PCDHGB6: variants seen among roughly 807,000 people sequenced by gnomAD.
The protein encoded by PCDHGB6 is protocadherin gamma subfamily B, 6.
A neutral mutation model predicts 59.1 loss-of-function variants in PCDHGB6; 51 were observed. The observed-to-expected ratio is 0.86, with a 90% CI of 0.69 to 1.09. PCDHGB6 has a LOEUF of 1.09. Ranked by LOEUF, PCDHGB6 falls within the 50% of genes least tolerant of loss-of-function variation. The pLI is 0.00. For missense variants in PCDHGB6, 1,148 were observed against 1,205.1 expected (o/e 0.95, Z 0.70); for synonymous variants, 466 against 495.1 (o/e 0.94, Z 0.78).
At chr5:141,450,829 ATT>A (rs373424450) in intron 1 of PCDHGB6, among the ~76,000 whole-genome samples, 3 of 135,116 alleles carry the variant, frequency 2.2e-5, no homozygotes, top group African/African-American at 2.7e-5. Flanking sequence ...TATTATTATT[ATT>A]TTTTTTTTTT....
intron 1 of PCDHGB6, chr5:141,411,352 C>T (rs1002274073): frequency 2.6e-5 from 4 of 152,176 alleles, no homozygotes; most frequent in African/African-American, 9.7e-5. Flanking sequence ...GAAAGTATCA[C>T]TTGAGCCCAA....
intron 1 of PCDHGB6, among the ~76,000 whole-genome samples, chr5:141,429,386 T>TA (rs1561841076): frequency 9.9e-5 from 15 of 151,936 alleles, no homozygotes; most frequent in South Asian, 8.3e-4. Flanking sequence ...TGTTTTTTTT[T>TA]TAAAAAAAAT....
chr5:141,453,700 G>T (rs953445370), intron 1 of PCDHGB6, among the ~76,000 whole-genome samples: 1 of 152,166 alleles, frequency 6.6e-6, no homozygotes, highest in East Asian at 1.9e-4. Flanking sequence ...TCCTGGCTTT[G>T]AACAGTTTCA....
intron 1 of PCDHGB6, among the ~76,000 whole-genome samples, chr5:141,469,802 CATT>C (rs2099211643): frequency 6.6e-6 from 1 of 152,022 alleles, no homozygotes; most frequent in Admixed American, 6.6e-5. Context: ...ATTGCAAAAA[CATT>C]GTAGATAGAA....
At chr5:141,412,713 TG>T (rs1172943618) in intron 1 of PCDHGB6, 2 of 152,812 alleles carry the variant, frequency 1.3e-5, no homozygotes, top group Non-Finnish European at 2.9e-5. Context: ...TGTACATTTC[TG>T]TTGGGAAAAC....
chr5:141,431,984 G>A lies in PCDHGB6; in HGVS notation c.2418+21364G>A, dbSNP rs758365921. 2 of 1,614,220 alleles carry A rather than the reference G, an allele frequency of 1.2e-6. No individual in the cohort carries two copies. The highest frequency in any genetic ancestry group is 2.2e-5 in the South Asian group (2 of 91,086). On this transcript the variant is annotated intron_variant, in intron 1 of 3. Transcript: ENST00000520790. The surrounding 1 kb of genome is among the most constrained non-coding windows in gnomAD (Gnocchi z 4.8). ...TTACTATAGTTTAGTCACAGACATAGTCTTGGATAGGGAACAGGTTCCTAG... is the reference window on the plus strand; with the variant it reads ...TTACTATAGTTTAGTCACAGACATAATCTTGGATAGGGAACAGGTTCCTAG...
rs773899530 is a variant in PCDHGB6 at position 141,494,864 on chromosome 5, G to A, written c.2476G>A (p.Gly826Ser). 1.6e-5 allele frequency: 26 copies of A among 1,613,950 alleles called. No individual in the cohort carries two copies. The Admixed American group carries it at 3.5e-4, about 22-fold the overall frequency. Reference protein sequence around the residue: ...FSQAQRPGTSGSQNGDDTGTW... With the variant: ...FSQAQRPGTSSSQNGDDTGTW... ...TCAGGCCCAGAGACCCGGCACCAGC[G>A]GGTAGGTGACTGATTCTCCAGCCCA... Residue 826 changes from glycine to serine, a missense_variant and splice_region_variant, in exon 2 of 4, where the codon GGC (glycine) becomes AGC (serine). Gly to Ser is a moderately conservative substitution (Grantham distance 56, BLOSUM62 0). Coordinates refer to ENST00000520790, the MANE Select transcript of PCDHGB6 (RefSeq NM_018926.3).
At chr5:141,427,304 C>G in intron 1 of PCDHGB6, 1 of 456,910 alleles carries the variant, frequency 2.2e-6, no homozygotes. Flanking sequence ...ATGAGAATGA[C>G]AATGCCCCAG....
intron 1 of PCDHGB6, chr5:141,468,556 GAT>G (rs754546771): frequency 6.6e-6 from 1 of 151,930 alleles, no homozygotes; most frequent in Non-Finnish European, 1.5e-5. Flanking sequence ...TAACATTTGT[GAT>G]ATAGTAAACA....
At chr5:141,423,327 A>G in intron 1 of PCDHGB6, 1 of 1,614,100 alleles carries the variant, frequency 6.2e-7, no homozygotes, top group Non-Finnish European at 8.5e-7. Flanking sequence ...CGGTGGCCGC[A>G]GTCTCCTGCA....
Position 141,490,916 on chromosome 5 carries a change from A to C in PCDHGB6, c.2419-3891A>C. 1 of 1,613,724 alleles carries C rather than the reference A, an allele frequency of 6.2e-7. No homozygotes were observed. Among genetic ancestry groups the C allele is most frequent in the Non-Finnish European group, 8.5e-7 (1 of 1,179,736 alleles). ...CATGTGTTTGTCCTAGACGAGAATG[A>C]TAATGCCCCAGCTGTGCTGCACCCA... is the stretch of plus-strand genomic sequence containing the variant. On this transcript the variant is annotated intron_variant, in intron 1 of 3. Transcript: ENST00000520790. This position sits in a 1 kb window ranked among gnomAD's most constrained non-coding sequence, Gnocchi z 5.4.
chr5:141,443,183 TTCTC>T (rs2098370937), intron 1 of PCDHGB6, among the ~76,000 whole-genome samples: 1 of 152,184 alleles, frequency 6.6e-6, no homozygotes, highest in Non-Finnish European at 1.5e-5. Context: ...CACTGCATCA[TTCTC>T]TATAGTACAA....
At chr5:141,478,452 C>T (rs763187393) in intron 1 of PCDHGB6, 1 of 1,613,598 alleles carries the variant, frequency 6.2e-7, no homozygotes, top group Admixed American at 1.7e-5. Context: ...CCTGGTGCAG[C>T]CAGTCCACTG....
At chr5:141,426,398 C>A (rs1264385461) in intron 1 of PCDHGB6, 3 of 257,270 alleles carry the variant, frequency 1.2e-5, no homozygotes, top group Non-Finnish European at 2.3e-5. Context: ...TACTCTATTC[C>A]AGAAGAAACG....
chr5:141,506,506 C>T (rs1279198463), intron 3 of PCDHGB6, among the ~76,000 whole-genome samples: 2 of 151,030 alleles, frequency 1.3e-5, no homozygotes. Context: ...GATTCAAATC[C>T]TGGCACCTGG....
At chr5:141,428,407 T>C in intron 1 of PCDHGB6, 1 of 470,350 alleles carries the variant, frequency 2.1e-6, no homozygotes, top group South Asian at 2.0e-5. Context: ...CTGGGGTTGC[T>C]TTCACCCTGG....
intron 1 of PCDHGB6, among the ~76,000 whole-genome samples, chr5:141,438,039 C>T (rs1373700448): frequency 6.6e-6 from 1 of 152,024 alleles, no homozygotes; most frequent in Non-Finnish European, 1.5e-5. Flanking sequence ...CCATGCCCGA[C>T]CACTTTGAGT....
intron 1 of PCDHGB6, chr5:141,413,902 G>A: frequency 1.9e-6 from 3 of 1,613,252 alleles, no homozygotes; most frequent in East Asian, 2.2e-5. Flanking sequence ...AAATGACAAC[G>A]CGCCGGTCTT....
chr5:141,471,730 G>A (rs535784858), intron 1 of PCDHGB6, among the ~76,000 whole-genome samples: 1 of 152,292 alleles, frequency 6.6e-6, no homozygotes, highest in East Asian at 1.9e-4. Context: ...GGTAAGGAAG[G>A]TTGGAGACAT....
Sources: allele counts gnomAD v4.1 joint callset (sites outside exome capture counted in the v4.1 genomes callset), GRCh38; gene constraint gnomAD v4.1.1; non-coding constraint Gnocchi (gnomAD v3.1); transcripts MANE v1.5; gene names NCBI Gene and HGNC (gene_info 2026-07-23, HGNC 2026-07-21).